The following GYPE variants were observed in gnomAD, a reference collection of about 807,000 sequenced individuals.
GYPE encodes glycophorin E (MNS blood group), also known as glycophorin-E.
In GYPE, 8 loss-of-function variants were observed where a neutral mutation model predicts 11.6. The ratio of observed to expected loss-of-function variants is 0.69; its 90% CI spans 0.41 to 1.25. The LOEUF (loss-of-function observed/expected upper bound fraction) is 1.25. Ranked by LOEUF, GYPE falls within the 50% of genes most tolerant of loss-of-function variation. The pLI is 0.01. For synonymous variants in GYPE, 28 were observed against 29.6 expected (o/e 0.94, Z 0.18); for missense variants, 90 against 92.8 (o/e 0.97, Z 0.12).
intron 1 of GYPE, among the ~76,000 whole-genome samples, chr4:143,905,195 G>C (rs1745012693): frequency 1.3e-5 from 2 of 152,164 alleles, no homozygotes; most frequent in South Asian, 4.1e-4. Context: ...ATTTCTCATA[G>C]CATTTGATAA....
At chr4:143,894,328 TC>T (rs1183710899) in intron 1 of GYPE, among the ~76,000 whole-genome samples, 2 of 152,198 alleles carry the variant, frequency 1.3e-5, no homozygotes, top group East Asian at 3.8e-4. Context: ...TCATTATCCG[TC>T]CAGCTTTGTT....
chr4:143,898,354 G>A (rs1744740946), intron 1 of GYPE, among the ~76,000 whole-genome samples: 2 of 152,168 alleles, frequency 1.3e-5, no homozygotes, highest in Non-Finnish European at 2.9e-5. Context: ...TCCAGCCTGG[G>A]CGACAGAACG....
chr4:143,882,739 C>T (rs1360520209), intron 1 of GYPE, among the ~76,000 whole-genome samples: 2 of 152,160 alleles, frequency 1.3e-5, no homozygotes, highest in Non-Finnish European at 1.5e-5. Flanking sequence ...CCTTTTAATC[C>T]TCCACTCCTT....
chr4:143,880,655 T>C, intron 1 of GYPE, 146 bp from the exon 2 acceptor site: 9 of 1,329,206 alleles, frequency 6.8e-6, no homozygotes, highest in South Asian at 6.3e-5. Flanking sequence ...CTTTAGAGAA[T>C]TGCTGTGTGG....
chr4:143,873,619 A>G (rs1029005701), intron 3 of GYPE: 8 of 339,054 alleles, frequency 2.4e-5, no homozygotes, highest in African/African-American at 1.1e-4. Flanking sequence ...AGAGACAACA[A>G]TTCTAGTTAA....
intron 1 of GYPE, among the ~76,000 whole-genome samples, chr4:143,883,507 AAATT>A (rs370647093): frequency 3.0e-5 from 1 of 32,788 alleles, no homozygotes. Flanking sequence ...AATTAATTAT[AAATT>A]AATTTATAAT....
intron 2 of GYPE, among the ~76,000 whole-genome samples, chr4:143,879,066 G>A (rs1242454122): frequency 6.6e-6 from 1 of 152,178 alleles, no homozygotes; most frequent in African/African-American, 2.4e-5. Flanking sequence ...CCAGTCCCAT[G>A]CAAAGAGGGA....
In GYPE at chr4:143,871,899, G is replaced by C. The variant is rs1743631098; in HGVS notation, c.*363C>G. The stretch of plus-strand genomic sequence containing the variant: ...GGGTAAGGACCTCAGAGTATTCAAA[G>C]TATCAAATGGAATGTGACTGAAGAG... On this transcript the variant is annotated 3_prime_UTR_variant, in exon 4 of 4. Coordinates refer to ENST00000358615, the MANE Select transcript of GYPE (RefSeq NM_198682.3). 6.6e-6 allele frequency: 1 copy of C among 152,232 alleles called. No individual in the cohort carries two copies. Among genetic ancestry groups the C allele is most frequent in the East Asian group, 1.9e-4 (1 of 5,168 alleles). The allele number at this position is 152,232 out of a possible 1,614,324, so 9.4% of individuals were successfully genotyped here.
chr4:143,892,675 C>T (rs1480587070), intron 1 of GYPE, among the ~76,000 whole-genome samples: 1 of 151,598 alleles, frequency 6.6e-6, no homozygotes, highest in East Asian at 1.9e-4. Flanking sequence ...GTCTGAGAGA[C>T]AGTTTGTTAT....
At chr4:143,900,603 A>G (rs1204161234) in intron 1 of GYPE, among the ~76,000 whole-genome samples, 2 of 150,268 alleles carry the variant, frequency 1.3e-5, no homozygotes, top group Non-Finnish European at 3.0e-5. Flanking sequence ...CAAATGATGG[A>G]TGGATAAACA....
At chr4:143,882,157 C>T (rs1245720638) in intron 1 of GYPE, among the ~76,000 whole-genome samples, 1 of 152,006 alleles carries the variant, frequency 6.6e-6, no homozygotes, top group Non-Finnish European at 1.5e-5. Context: ...TGTGTATAAA[C>T]GATTGCCATA....
At chr4:143,881,873 G>C (rs1183623292) in intron 1 of GYPE, among the ~76,000 whole-genome samples, 1 of 152,166 alleles carries the variant, frequency 6.6e-6, no homozygotes, top group Non-Finnish European at 1.5e-5. Flanking sequence ...CTTCTCCTCA[G>C]AGGCAGCCAA....
At chr4:143,875,299 C>A (rs1244082510) in intron 3 of GYPE, 3 of 646,862 alleles carry the variant, frequency 4.6e-6, no homozygotes, top group Non-Finnish European at 8.1e-6. Context: ...CAAATCATGA[C>A]TATACTACAT....
rs1236142213 is a variant in GYPE at position 143,878,817 on chromosome 4, A to C, written c.136+1594T>G. 3 of 366,000 alleles carry C rather than the reference A, an allele frequency of 8.2e-6. No individual in the cohort carries two copies. The Admixed American group carries it at 1.3e-4, about 16-fold the overall frequency. 22.7% of individuals were successfully genotyped at this position (366,000 alleles called of 1,614,324 possible). On this transcript the variant is annotated intron_variant, in intron 2 of 3. Coordinates refer to ENST00000358615, the MANE Select transcript of GYPE (RefSeq NM_198682.3). ...GTTGGTCAACTTTCAACATCTAGCT[A>C]GTAAAATTTATGAGGGAATGTGTCA...
chr4:143,901,749 T>C (rs10033198), intron 1 of GYPE, among the ~76,000 whole-genome samples: 142,566 of 151,984 alleles, frequency 0.94, 67,598 homozygotes, highest in East Asian at 1. Context: ...AATAGTCTCA[T>C]AGATGTTTTG....
chr4:143,886,227 A>T (rs1744217171), intron 1 of GYPE, among the ~76,000 whole-genome samples: 1 of 18,570 alleles, frequency 5.4e-5, no homozygotes, highest in African/African-American at 6.0e-5. Flanking sequence ...TAACTTTTAA[A>T]TAATTTCGTA....
At chr4:143,897,280 A>G (rs1744688563) in intron 1 of GYPE, among the ~76,000 whole-genome samples, 1 of 152,148 alleles carries the variant, frequency 6.6e-6, no homozygotes, top group African/African-American at 2.4e-5. Flanking sequence ...CCTGGGCAAC[A>G]TAAGAAGACC....
chr4:143,896,969 G>T (rs1744674758), intron 1 of GYPE, among the ~76,000 whole-genome samples: 1 of 150,916 alleles, frequency 6.6e-6, no homozygotes, highest in Non-Finnish European at 1.5e-5. Flanking sequence ...AGAACACATG[G>T]ACACAGGAAG....
In GYPE at chr4:143,871,834, G is replaced by A. The variant is rs1743629560; in HGVS notation, c.*428C>T. 6.6e-6 allele frequency: 1 copy of A among 152,194 alleles called. No homozygotes were observed. The highest frequency in any genetic ancestry group is 1.5e-5 in the Non-Finnish European group (1 of 68,064). The allele number at this position is 152,194 out of a possible 1,614,324, so 9.4% of individuals were successfully genotyped here. On this transcript the variant is annotated 3_prime_UTR_variant, in exon 4 of 4. Transcript: ENST00000358615. ...TTGTGGTTGGACAACCGAGTTCTGA[G>A]AAAGGCAGTGATTGAGCAGCTGAAT...
Sources: allele counts gnomAD v4.1 joint callset (sites outside exome capture counted in the v4.1 genomes callset), GRCh38; gene constraint gnomAD v4.1.1; transcripts MANE v1.5; gene names NCBI Gene and HGNC (gene_info 2026-07-23, HGNC 2026-07-21).